Variants in IGSF21 observed in about 807,000 individuals in gnomAD.
IGSF21 encodes immunoglobulin superfamily member 21.
A neutral mutation model predicts 46.8 loss-of-function variants in IGSF21; 28 were observed. The observed-to-expected ratio is 0.60, with a 90% CI of 0.44 to 0.82. The LOEUF is 0.82. Among genes scored for constraint, IGSF21 ranks in the 40% least tolerant of loss-of-function variants. IGSF21 has a pLI of 0.00. For missense variants in IGSF21, 624 were observed against 665.5 expected (o/e 0.94, Z 0.69); for synonymous variants, 284 against 273.6 (o/e 1.04, Z -0.38).
chr1:18,155,620 G>A (rs1264308190), intron 1 of IGSF21, among the ~76,000 whole-genome samples: 1 of 152,252 alleles, frequency 6.6e-6, no homozygotes, highest in Non-Finnish European at 1.5e-5. Context: ...GTGCCTAACA[G>A]AGGGACTCAG....
At chr1:18,237,198 G>A (rs1490677738) in intron 2 of IGSF21, among the ~76,000 whole-genome samples, 2 of 152,152 alleles carry the variant, frequency 1.3e-5, no homozygotes, top group Admixed American at 6.5e-5. Context: ...GCGTTTAGGG[G>A]ATTCTAGTGT....
At chr1:18,171,373 G>C (rs960630242) in intron 1 of IGSF21, among the ~76,000 whole-genome samples, 1 of 152,140 alleles carries the variant, frequency 6.6e-6, no homozygotes, top group African/African-American at 2.4e-5. Context: ...CAACCTGGAG[G>C]GGAAATCGCT....
intron 1 of IGSF21, among the ~76,000 whole-genome samples, chr1:18,144,612 G>T (rs2086448960): frequency 6.6e-6 from 1 of 152,094 alleles, no homozygotes; most frequent in Non-Finnish European, 1.5e-5. Flanking sequence ...TAGGTGACTT[G>T]GTCTAACCAG....
intron 1 of IGSF21, among the ~76,000 whole-genome samples, chr1:18,218,751 A>G (rs1467495125): frequency 6.6e-6 from 1 of 152,260 alleles, no homozygotes; most frequent in Non-Finnish European, 1.5e-5. Context: ...TCAGTAGACT[A>G]CAATGATGAG....
intron 1 of IGSF21, among the ~76,000 whole-genome samples, chr1:18,122,581 G>A (rs996758446): frequency 5.3e-5 from 8 of 150,712 alleles, no homozygotes; most frequent in Non-Finnish European, 1.0e-4. Context: ...TGGTTCCAGG[G>A]AATAATGTAT....
chr1:18,217,616 G>A (rs2084462642), intron 1 of IGSF21, among the ~76,000 whole-genome samples: 1 of 152,142 alleles, frequency 6.6e-6, no homozygotes, highest in East Asian at 1.9e-4. Flanking sequence ...ATTGTGTCCT[G>A]TGACTATAGC....
chr1:18,344,825 A>G (rs561391681), intron 4 of IGSF21, among the ~76,000 whole-genome samples: 1 of 152,280 alleles, frequency 6.6e-6, no homozygotes, highest in Admixed American at 6.5e-5. Flanking sequence ...TTAGAGCCTG[A>G]GTGGATGAAC....
At chr1:18,246,360 A>C (rs1456061242) in intron 2 of IGSF21, among the ~76,000 whole-genome samples, 1 of 151,668 alleles carries the variant, frequency 6.6e-6, no homozygotes, top group Admixed American at 6.6e-5. Context: ...TGAGCTAATT[A>C]CTCCGTCTCA....
intron 2 of IGSF21, among the ~76,000 whole-genome samples, chr1:18,270,767 C>T (rs2085034843): frequency 6.6e-6 from 1 of 152,108 alleles, no homozygotes; most frequent in African/African-American, 2.4e-5. Context: ...ACATCAGTGT[C>T]CATCAGAGAT....
Position 18,148,129 on chromosome 1 carries a change from C to CTTTTTTTTTTTTTTTTTTTTTTT in IGSF21, c.70+39950_70+39951insTTTTTTTTTTTTTTTTTTTTTTT, listed in dbSNP as rs58426436. On this transcript the variant is annotated intron_variant, in intron 1 of 9. Coordinates refer to ENST00000251296, the MANE Select transcript of IGSF21 (RefSeq NM_032880.5). ...TAAATTACTCAGTCACAAGTATGTC[C>CTTTTTTTTTTTTTTTTTTTTTTT]TTTTTTTTTTTTTTTTTTTGAGATG... 1.8e-5 allele frequency among the ~76,000 whole-genome samples: 2 copies of CTTTTTTTTTTTTTTTTTTTTTTT among 108,322 alleles called. 1 individual carries two copies. 71.1% of individuals were successfully genotyped at this position (108,322 alleles called of 152,430 possible).
intron 1 of IGSF21, among the ~76,000 whole-genome samples, chr1:18,172,909 G>GGTGT (rs111516776): frequency 0.032 from 4,926 of 152,026 alleles, 279 homozygotes; most frequent in African/African-American, 0.11. Context: ...CATCCCCTCT[G>GGTGT]GTGTGTGTGT....
intron 3 of IGSF21, among the ~76,000 whole-genome samples, chr1:18,316,841 C>T (rs4920475): frequency 0.88 from 133,708 of 152,238 alleles, 58,772 homozygotes; most frequent in East Asian, 0.99. Flanking sequence ...CTTGGAACAG[C>T]GCCTGGTACA....
chr1:18,215,853 A>G (rs2084439120), intron 1 of IGSF21, among the ~76,000 whole-genome samples: 1 of 152,154 alleles, frequency 6.6e-6, no homozygotes, highest in Non-Finnish European at 1.5e-5. Flanking sequence ...CATAATCCAC[A>G]TTGTTCCAGG....
Position 18,277,232 on chromosome 1 carries a change from C to T in IGSF21, c.184-14634C>T, listed in dbSNP as rs535231585. 5.3e-5 allele frequency among the ~76,000 whole-genome samples: 8 copies of T among 152,310 alleles called. No individual in the cohort carries two copies. In the South Asian group the frequency reaches 1.4e-3, roughly 28 times the overall value. ...CCAGCTCCTGCCTCTTGTCTCAGGCCGATCACTCCATCACTCTGGCCTCGG... is the reference window on the plus strand; with the variant it reads ...CCAGCTCCTGCCTCTTGTCTCAGGCTGATCACTCCATCACTCTGGCCTCGG... On this transcript the variant is annotated intron_variant, in intron 2 of 9. Transcript: ENST00000251296.
At chr1:18,222,470 T>A (rs991727012) in intron 1 of IGSF21, among the ~76,000 whole-genome samples, 1 of 152,242 alleles carries the variant, frequency 6.6e-6, no homozygotes, top group East Asian at 1.9e-4. Flanking sequence ...GCGGGAAGCA[T>A]GGTGCCACCT....
intron 1 of IGSF21, among the ~76,000 whole-genome samples, chr1:18,199,616 G>A (rs1002596940): frequency 6.6e-6 from 1 of 152,088 alleles, no homozygotes; most frequent in Non-Finnish European, 1.5e-5. Context: ...AGCTGTGCCT[G>A]TGCCTCTCCT....
Position 18,120,171 on chromosome 1 carries a change from G to T in IGSF21, c.70+11973G>T, listed in dbSNP as rs189157238. 2.0e-5 allele frequency among the ~76,000 whole-genome samples: 3 copies of T among 152,368 alleles called. No homozygotes were observed. In the East Asian group the frequency reaches 5.8e-4, roughly 29 times the overall value. ...ATTTGCATAGGATTTCTGGAAAACC[G>T]CAGGGGATGGTGCAGCCCCTTGGAG... On this transcript the variant is annotated intron_variant, in intron 1 of 9. Coordinates refer to ENST00000251296, the MANE Select transcript of IGSF21 (RefSeq NM_032880.5).
intron 1 of IGSF21, among the ~76,000 whole-genome samples, chr1:18,120,750 C>G (rs551731954): frequency 1.3e-5 from 2 of 152,262 alleles, no homozygotes; most frequent in South Asian, 4.1e-4. Context: ...CAAGGTGGAA[C>G]TGGCTTTTCG....
chr1:18,211,596 C>T (rs1440941276), intron 1 of IGSF21, among the ~76,000 whole-genome samples: 1 of 152,140 alleles, frequency 6.6e-6, no homozygotes, highest in African/African-American at 2.4e-5. Flanking sequence ...GCAATTAATT[C>T]GTATGTGCTA....
Sources: gnomAD v4.1 joint callset for allele counts (sites outside exome capture counted in the v4.1 genomes callset) on GRCh38, gnomAD v4.1.1 for gene constraint, MANE v1.5 for transcripts, NCBI Gene and HGNC (gene_info 2026-07-23, HGNC 2026-07-21) for gene names.